STAT4: variants seen among roughly 807,000 people sequenced by gnomAD.
STAT4 encodes signal transducer and activator of transcription 4.
A neutral mutation model predicts 110.5 loss-of-function variants in STAT4; 42 were observed. That is an observed-to-expected ratio of 0.38 (90% CI 0.30 to 0.49). The LOEUF (loss-of-function observed/expected upper bound fraction) is 0.49. Ranked by LOEUF, STAT4 falls within the 20% of genes least tolerant of loss-of-function variation. STAT4 has a pLI of 0.95. For synonymous variants in STAT4, 284 were observed against 302.2 expected (o/e 0.94, Z 0.63); for missense variants, 632 against 887.9 (o/e 0.71, Z 3.66).
chr2:191,100,076 A>C (rs949842221), intron 3 of STAT4, among the ~76,000 whole-genome samples: 1 of 152,204 alleles, frequency 6.6e-6, no homozygotes, highest in African/African-American at 2.4e-5. Context: ...AAAAATTTTT[A>C]ATTAATTTAC....
chr2:191,049,167 CTTT>C lies in STAT4; in HGVS notation c.1251+5320_1251+5322del, dbSNP rs11410725. Among the ~76,000 whole-genome samples the C allele has an allele frequency of 1.2e-4, 12 of 104,142 alleles. No homozygotes were observed. In the South Asian group the frequency reaches 1.6e-3, roughly 14 times the overall value. The allele number at this position is 104,142 out of a possible 152,430, so 68.3% of individuals were successfully genotyped here. On this transcript the variant is annotated intron_variant, in intron 14 of 23. Transcript: ENST00000392320. ...AGAATATATTAACAAATGGTAATAG[CTTT>C]TTTTTTTTTTTTTTTTTTTTGAGAG...
rs145611033 is a variant in STAT4 at position 191,057,331 on chromosome 2, C to T, written c.1206+687G>A. Among the ~76,000 whole-genome samples the T allele has an allele frequency of 1.1e-4, 17 of 152,226 alleles. No individual in the cohort carries two copies. The East Asian group carries it at 1.9e-3, about 17-fold the overall frequency. ...ACCTCCAATTCCATCCATGTTGCTGCGTATGACACAATTTCATTCTTTCAA... is the reference window on the plus strand; with the variant it reads ...ACCTCCAATTCCATCCATGTTGCTGTGTATGACACAATTTCATTCTTTCAA... On this transcript the variant is annotated intron_variant, in intron 13 of 23. Transcript: ENST00000392320.
intron 14 of STAT4, among the ~76,000 whole-genome samples, chr2:191,047,270 T>C (rs1017178312): frequency 4.6e-5 from 7 of 152,178 alleles, no homozygotes; most frequent in East Asian, 1.9e-4. Flanking sequence ...CTATCCTTGA[T>C]AGTAAACCAG....
chr2:191,057,475 T>C (rs1696730231), intron 13 of STAT4, among the ~76,000 whole-genome samples: 1 of 152,210 alleles, frequency 6.6e-6, no homozygotes, highest in African/African-American at 2.4e-5. Context: ...ATGTCTTCAT[T>C]GTTTAGAACT....
chr2:191,119,733 A>G (rs1015903072), intron 3 of STAT4, among the ~76,000 whole-genome samples: 4 of 152,222 alleles, frequency 2.6e-5, no homozygotes, highest in African/African-American at 9.6e-5. Context: ...ATTTTGAAGA[A>G]GAACAAGGTT....
chr2:191,148,588 C>T (rs1418197938), intron 1 of STAT4, among the ~76,000 whole-genome samples: 4 of 152,216 alleles, frequency 2.6e-5, no homozygotes, highest in Admixed American at 2.6e-4. Context: ...ACGTATTTGA[C>T]ATTTACTATA....
At chr2:191,139,526 C>G (rs1008850173) in intron 3 of STAT4, among the ~76,000 whole-genome samples, 1 of 152,102 alleles carries the variant, frequency 6.6e-6, no homozygotes, top group African/African-American at 2.4e-5. Flanking sequence ...GAAAGAAATA[C>G]TTGGGAATAT....
intron 3 of STAT4, among the ~76,000 whole-genome samples, chr2:191,141,097 CG>C (rs1032981681): frequency 8.7e-5 from 13 of 149,320 alleles, no homozygotes; most frequent in African/African-American, 3.2e-4. Context: ...AGGTTGGGAG[CG>C]GGGGGTGAGG....
In STAT4 at chr2:191,051,248, G is replaced by A. The variant is rs887638945; in HGVS notation, c.1251+3242C>T. On this transcript the variant is annotated intron_variant, in intron 14 of 23. Transcript: ENST00000392320. The surrounding 1 kb of genome is among the most constrained non-coding windows in gnomAD (Gnocchi z 5.6). Reference sequence around the variant, plus strand: ...CAGAGAAGGAGAAAGATCAGCAGTTGTCTGAAGTTAGGTATCACGTTTTAG... The same window carrying A: ...CAGAGAAGGAGAAAGATCAGCAGTTATCTGAAGTTAGGTATCACGTTTTAG... Among the ~76,000 whole-genome samples, 5 of 152,208 alleles carry A rather than the reference G, an allele frequency of 3.3e-5. No homozygotes were observed. The highest frequency in any genetic ancestry group is 5.9e-5 in the Non-Finnish European group (4 of 68,040).
At chr2:191,071,745 TTTGCC>T (rs992954717) in intron 5 of STAT4, among the ~76,000 whole-genome samples, 1 of 152,226 alleles carries the variant, frequency 6.6e-6, no homozygotes, top group African/African-American at 2.4e-5. Context: ...AAAGCATTGC[TTTGCC>T]TAAAAGTCAG....
chr2:191,133,320 C>A (rs1381386444), intron 3 of STAT4, among the ~76,000 whole-genome samples: 1 of 151,330 alleles, frequency 6.6e-6, no homozygotes, highest in Admixed American at 6.6e-5. Flanking sequence ...TAGAAGTAAA[C>A]CAAACAAAAT....
In STAT4 at chr2:191,062,835, C is replaced by T. The variant is rs1045189793; in HGVS notation, c.868G>A (p.Gly290Ser). 6.2e-7 allele frequency: 1 copy of T among 1,613,750 alleles called. No homozygotes were observed. The highest frequency in any genetic ancestry group is 1.3e-5 in the African/African-American group (1 of 74,890). The change falls in exon 9 of 24, where the codon GGT (glycine) becomes AGT (serine). Residue 290 changes from glycine (G) to serine (S), a missense_variant. Gly to Ser is a moderately conservative substitution (Grantham distance 56). Around this residue, in one of 4 missense-constraint regions of STAT4, gnomAD observed 488 missense variants for 632.8 expected, o/e 0.77. Coordinates refer to ENST00000392320, the MANE Select transcript of STAT4 (RefSeq NM_003151.4). This position sits in a 1 kb window ranked among gnomAD's most constrained non-coding sequence, Gnocchi z 4.9. ...GTTCTTTGCATTGGAATGGGATCAC[C>T]TTCATATGTCATTTTGGTAGATTGC... is the stretch of plus-strand genomic sequence containing the variant. ...EEQSTKMTYE[G>S]DPIPMQRTHM...
intron 6 of STAT4, among the ~76,000 whole-genome samples, chr2:191,067,177 A>G (rs1697014657): frequency 6.6e-6 from 1 of 151,974 alleles, no homozygotes; most frequent in South Asian, 2.1e-4. Flanking sequence ...AGGGTGATAC[A>G]TGCAATAAAT....
At chr2:191,040,502 A>G (rs1259203067) in intron 15 of STAT4, among the ~76,000 whole-genome samples, 2 of 152,172 alleles carry the variant, frequency 1.3e-5, no homozygotes, top group Admixed American at 1.3e-4. Flanking sequence ...CTTGAGCAAC[A>G]AATTATTTAA....
chr2:191,106,056 GGTCAGGTCATTACC>G (rs1698269995), intron 3 of STAT4, among the ~76,000 whole-genome samples: 1 of 152,052 alleles, frequency 6.6e-6, no homozygotes, highest in Non-Finnish European at 1.5e-5. Context: ...AAGGAATTTT[GGTCAGGTCATTACC>G]GCCTCAACTG....
At chr2:191,145,095 T>A (rs1474267556) in intron 3 of STAT4, among the ~76,000 whole-genome samples, 1 of 152,142 alleles carries the variant, frequency 6.6e-6, no homozygotes, top group Non-Finnish European at 1.5e-5. Context: ...TACATATATA[T>A]CATATGTAAA....
intron 3 of STAT4, among the ~76,000 whole-genome samples, chr2:191,123,625 G>A (rs1399630851): frequency 6.6e-6 from 1 of 152,150 alleles, no homozygotes; most frequent in Non-Finnish European, 1.5e-5. Context: ...CCTTAAACAT[G>A]CTCAAAACAC....
At position 191,036,082 on chromosome 2, in the gene STAT4, G is replaced by T. The variant is rs3024882; in HGVS notation, c.1570+82C>A. ...ATTATGATTATCATCTTTATTATTA[G>T]TAGTAGTAATAGCGTCCTGGTTATT... On this transcript the variant is annotated intron_variant, in intron 17 of 23. Transcript: ENST00000392320. The T allele has an allele frequency of 6.0e-3, 8,685 of 1,452,782 alleles. 89 individuals are homozygous for T. The highest frequency in any genetic ancestry group is 0.034 in the Middle Eastern group (189 of 5,580). The allele number at this position is 1,452,782 out of a possible 1,614,324, so 90.0% of individuals were successfully genotyped here. A position where few individuals can be genotyped will look rare whatever the true frequency, so the allele number is the denominator to read the frequency against.
chr2:191,147,933 G>A lies in STAT4; in HGVS notation c.128+143C>T. 8.9e-7 allele frequency: 1 copy of A among 1,118,036 alleles called. No individual in the cohort carries two copies. Among genetic ancestry groups the A allele is most frequent in the Non-Finnish European group, 1.2e-6 (1 of 805,818 alleles). 69.3% of individuals were successfully genotyped at this position (1,118,036 alleles called of 1,614,324 possible). On this transcript the variant is annotated intron_variant, in intron 2 of 23. Transcript: ENST00000392320. This position sits in a 1 kb window ranked among gnomAD's most constrained non-coding sequence, Gnocchi z 4.1. ...AAGGACAATTATTCCCCTTCTTTGG[G>A]AAGGCTTTCAAATCCTTGAGAAAGT...
Sources: allele counts gnomAD v4.1 joint callset (sites outside exome capture counted in the v4.1 genomes callset), GRCh38; gene constraint gnomAD v4.1.1; regional missense constraint gnomAD v4.1.1; non-coding constraint Gnocchi (gnomAD v3.1); transcripts MANE v1.5; gene names NCBI Gene and HGNC (gene_info 2026-07-23, HGNC 2026-07-21).